The following NHSL1 variants were observed in gnomAD, a reference collection of about 807,000 sequenced individuals.
NHSL1 encodes the protein NHS like 1, also known as NHS-like protein 1.
A neutral mutation model predicts 95.0 loss-of-function variants in NHSL1; 48 were observed. The observed-to-expected ratio is 0.51, with a 90% CI of 0.40 to 0.64. NHSL1 has a LOEUF of 0.64. Ranked by LOEUF, NHSL1 falls within the 30% of genes least tolerant of loss-of-function variation. NHSL1 has a pLI of 0.00. For missense variants in NHSL1, 1,971 were observed against 2,077.7 expected, an observed-to-expected ratio of 0.95 and a Z score of 1.00; for synonymous variants, 783 against 833.9, an observed-to-expected ratio of 0.94 and a Z score of 1.05.
At chr6:138,672,817 G>C (rs1186563567) in intron 1 of NHSL1, among the ~76,000 whole-genome samples, 1 of 152,146 alleles carries the variant, frequency 6.6e-6, no homozygotes, top group Admixed American at 6.6e-5. Context: ...AGGAAATCAA[G>C]ACCAGCCTGG....
At chr6:138,673,430 C>G (rs1293452649) in intron 1 of NHSL1, among the ~76,000 whole-genome samples, 1 of 149,986 alleles carries the variant, frequency 6.7e-6, no homozygotes, top group Admixed American at 6.7e-5. Flanking sequence ...GCATTTTTTA[C>G]TTCTTCTATT....
At chr6:138,486,073 G>A (rs1451245763) in intron 2 of NHSL1, among the ~76,000 whole-genome samples, 2 of 152,010 alleles carry the variant, frequency 1.3e-5, no homozygotes, top group Admixed American at 6.6e-5. Flanking sequence ...CCGACCCTCC[G>A]CTTTGCCCTG....
At chr6:138,634,507 A>G (rs1220165052) in intron 1 of NHSL1, among the ~76,000 whole-genome samples, 1 of 152,198 alleles carries the variant, frequency 6.6e-6, no homozygotes, top group Non-Finnish European at 1.5e-5. Context: ...GCAAGAGGAT[A>G]TAACAATTTT....
chr6:138,686,522 T>C (rs1304212400), intron 1 of NHSL1, among the ~76,000 whole-genome samples: 2 of 152,190 alleles, frequency 1.3e-5, no homozygotes, highest in Non-Finnish European at 2.9e-5. Context: ...TTCCCATAAA[T>C]ACATGCAACT....
chr6:138,437,329 C>CACAT (rs1554221988), intron 5 of NHSL1, among the ~76,000 whole-genome samples: 4 of 100,960 alleles, frequency 4.0e-5, no homozygotes, highest in African/African-American at 8.8e-5. Context: ...TACACACACA[C>CACAT]ATATATATAT....
At position 138,432,257 on chromosome 6, in the gene NHSL1, G is replaced by A; in HGVS notation, c.2088C>T (p.Leu696=). The change falls in exon 6 of 8, where the codon CTC becomes CTT. Residue 696 remains leucine (L), a synonymous_variant. Coordinates refer to ENST00000343505, the MANE Select transcript of NHSL1 (RefSeq NM_001144060.2). This position sits in a 1 kb window ranked among gnomAD's most constrained non-coding sequence, Gnocchi z 4.4. ...KKSSQCNGQV[L]NESLIATLQH... is the part of the protein sequence containing the mutation. ...GGAGTGTGGCGATCAGGCTCTCGTT[G>A]AGCACCTGCCCGTTGCACTGGCTGC... 1 of 1,550,538 alleles carries A rather than the reference G, an allele frequency of 6.4e-7. No individual in the cohort carries two copies. Among genetic ancestry groups the A allele is most frequent in the African/African-American group, 1.4e-5 (1 of 73,076 alleles).
At chr6:138,662,805 T>A (rs1030970240) in intron 1 of NHSL1, among the ~76,000 whole-genome samples, 2 of 151,892 alleles carry the variant, frequency 1.3e-5, no homozygotes, top group Admixed American at 6.6e-5. Flanking sequence ...AAAAAACCTG[T>A]CTCAGAAGAA....
intron 1 of NHSL1, among the ~76,000 whole-genome samples, chr6:138,556,527 C>G (rs1358757078): frequency 2.0e-5 from 3 of 150,482 alleles, no homozygotes; most frequent in African/African-American, 4.9e-5. Context: ...TTTTGTAGGT[C>G]TCCTATGTGC....
intron 2 of NHSL1, among the ~76,000 whole-genome samples, chr6:138,481,866 C>A (rs1779435034): frequency 6.6e-6 from 1 of 152,134 alleles, no homozygotes; most frequent in African/African-American, 2.4e-5. Context: ...ACTTCTTCAC[C>A]AATTATCACT....
chr6:138,427,917 G>T (rs943444620), intron 7 of NHSL1, among the ~76,000 whole-genome samples: 77 of 152,138 alleles, frequency 5.1e-4, no homozygotes, highest in African/African-American at 1.8e-3. Flanking sequence ...CTCTCTCTCT[G>T]CAATCCATTC....
chr6:138,550,511 A>G (rs1023397661), upstream of NHSL1, among the ~76,000 whole-genome samples: 1 of 152,204 alleles, frequency 6.6e-6, no homozygotes, highest in East Asian at 1.9e-4. Context: ...GCCAACCATG[A>G]CCTTAGGGCG....
rs886727721 is a variant in NHSL1 at position 138,464,329 on chromosome 6, G to A, written c.339+8977C>T. 1.2e-5 allele frequency: 7 copies of A among 591,834 alleles called. No individual in the cohort carries two copies. In the African/African-American group the frequency reaches 1.3e-4, roughly 11 times the overall value. The allele number at this position is 591,834 out of a possible 1,614,324, so 36.7% of individuals were successfully genotyped here. Reference sequence around the variant, plus strand: ...GGGCCCTCAGCGCCACACTCCTGGAGCTCCACGGCCTGGAGGCCATCTTGC... The same window carrying A: ...GGGCCCTCAGCGCCACACTCCTGGAACTCCACGGCCTGGAGGCCATCTTGC... On this transcript the variant is annotated intron_variant, in intron 3 of 7. Transcript: ENST00000343505.
At chr6:138,653,560 C>CA (rs1009451089) in intron 1 of NHSL1, among the ~76,000 whole-genome samples, 16 of 144,516 alleles carry the variant, frequency 1.1e-4, no homozygotes, top group East Asian at 4.0e-4. Flanking sequence ...GACTCCGTCT[C>CA]AAAAAAAAAA....
At chr6:138,644,307 T>A (rs781651362) in intron 1 of NHSL1, among the ~76,000 whole-genome samples, 81 of 152,048 alleles carry the variant, frequency 5.3e-4, no homozygotes, top group Non-Finnish European at 2.2e-4. Context: ...TCGAGACCAG[T>A]CTGACCAACA....
At chr6:138,611,171 A>T (rs561302693) in intron 1 of NHSL1, among the ~76,000 whole-genome samples, 1 of 152,266 alleles carries the variant, frequency 6.6e-6, no homozygotes, top group South Asian at 2.1e-4. Flanking sequence ...GGCTTCTACT[A>T]ATAAGAAAAG....
At chr6:138,616,173 A>G (rs1784575955) in intron 1 of NHSL1, among the ~76,000 whole-genome samples, 1 of 152,186 alleles carries the variant, frequency 6.6e-6, no homozygotes, top group Non-Finnish European at 1.5e-5. Context: ...TCATACACAA[A>G]TTTTTTTATC....
At chr6:138,509,325 C>G (rs1781110792) in intron 1 of NHSL1, among the ~76,000 whole-genome samples, 1 of 152,162 alleles carries the variant, frequency 6.6e-6, no homozygotes. Context: ...TCAAAGTATA[C>G]TATGATGATC....
chr6:138,692,445 G>T lies in NHSL1; in HGVS notation c.96+31C>A. 4.8e-6 allele frequency: 1 copy of T among 209,264 alleles called. No homozygotes were observed. Among genetic ancestry groups the T allele is most frequent in the South Asian group, 6.6e-5 (1 of 15,128 alleles). 13.0% of individuals were successfully genotyped at this position (209,264 alleles called of 1,614,324 possible). A position where few individuals can be genotyped will look rare whatever the true frequency, so the allele number is the denominator to read the frequency against. ...AGCTCTCCGGGTGCCTCCCCCGCCG[G>T]TTCCCCTCCCCCGGCCCGCCGGCCA... is the stretch of plus-strand genomic sequence containing the variant. On this transcript the variant is annotated intron_variant, in intron 1 of 3. Transcript: ENST00000491526. The surrounding 1 kb of genome is among the most constrained non-coding windows in gnomAD (Gnocchi z 4.0).
intron 1 of NHSL1, among the ~76,000 whole-genome samples, chr6:138,544,173 C>T (rs1782692331): frequency 6.6e-6 from 1 of 152,148 alleles, no homozygotes; most frequent in Non-Finnish European, 1.5e-5. Context: ...TTCAACTGCA[C>T]TGTGGAAATT....
Sources: gnomAD v4.1 joint callset for allele counts (sites outside exome capture counted in the v4.1 genomes callset) on GRCh38, gnomAD v4.1.1 for gene constraint, Gnocchi (gnomAD v3.1) non-coding constraint, MANE v1.5 for transcripts, NCBI Gene and HGNC (gene_info 2026-07-23, HGNC 2026-07-21) for gene names.